The following LTBP1 variants were observed in gnomAD, a reference collection of about 807,000 sequenced individuals.
LTBP1 encodes the protein latent-transforming growth factor beta-binding protein 1.
In LTBP1, 129 loss-of-function variants were observed where a neutral mutation model predicts 207.6. The observed-to-expected ratio is 0.62, with a 90% CI of 0.54 to 0.72. The LOEUF is 0.72. Ranked by LOEUF, LTBP1 falls within the 30% of genes least tolerant of loss-of-function variation. The pLI is 0.00. For synonymous variants in LTBP1, 963 were observed against 833.7 expected, an observed-to-expected ratio of 1.16 and a Z score of -2.67; for missense variants, 2,281 against 2,217.2, an observed-to-expected ratio of 1.03 and a Z score of -0.58.
intron 9 of LTBP1, among the ~76,000 whole-genome samples, chr2:33,226,081 C>T (rs548035913): frequency 1.3e-5 from 2 of 152,242 alleles, no homozygotes; most frequent in African/African-American, 4.8e-5. Flanking sequence ...GTTATTGACC[C>T]ATGGATTATT....
chr2:33,382,518 C>T (rs975672005), intron 31 of LTBP1, among the ~76,000 whole-genome samples: 1 of 152,108 alleles, frequency 6.6e-6, no homozygotes, highest in African/African-American at 2.4e-5. Flanking sequence ...AAGCCTTTCC[C>T]AGCTCTTCCA....
intron 2 of LTBP1, among the ~76,000 whole-genome samples, chr2:32,952,889 G>A (rs911208458): frequency 1.3e-5 from 2 of 152,148 alleles, no homozygotes; most frequent in Middle Eastern, 3.2e-3. Flanking sequence ...ATCCAAAGCG[G>A]GTGCCTGGCA....
chr2:32,977,462 AGCAATCTTATTGCTTCCAG>A (rs1482654924), intron 2 of LTBP1, among the ~76,000 whole-genome samples: 1 of 152,146 alleles, frequency 6.6e-6, no homozygotes, highest in African/African-American at 2.4e-5. Flanking sequence ...GGGCGGCTGG[AGCAATCTTATTGCTTCCAG>A]GCACCCTGAC....
intron 2 of LTBP1, among the ~76,000 whole-genome samples, chr2:32,958,944 C>G (rs1678541096): frequency 6.6e-6 from 1 of 152,204 alleles, no homozygotes; most frequent in Non-Finnish European, 1.5e-5. Context: ...ACATCATCAT[C>G]TGATAGAGAT....
At chr2:33,078,770 C>G (rs1352148447) in intron 3 of LTBP1, among the ~76,000 whole-genome samples, 1 of 151,838 alleles carries the variant, frequency 6.6e-6, no homozygotes. Flanking sequence ...ATAGTCAGCT[C>G]AATAAGGTGA....
At chr2:33,266,231 T>C (rs1573514347) in intron 15 of LTBP1, among the ~76,000 whole-genome samples, 1 of 152,322 alleles carries the variant, frequency 6.6e-6, no homozygotes, top group East Asian at 1.9e-4. Context: ...TGGGTGAGTG[T>C]TGACATGCCA....
chr2:33,092,171 G>C (rs1405726687), intron 3 of LTBP1, among the ~76,000 whole-genome samples: 2 of 151,240 alleles, frequency 1.3e-5, no homozygotes, highest in African/African-American at 4.8e-5. Context: ...GTGCGTGCAC[G>C]TGCGCATGCA....
intron 5 of LTBP1, among the ~76,000 whole-genome samples, chr2:33,184,907 C>T (rs1355814273): frequency 6.6e-6 from 1 of 151,706 alleles, no homozygotes; most frequent in South Asian, 2.1e-4. Context: ...AGTAGTCAGT[C>T]AGTTGTAATG....
At chr2:33,236,974 C>G (rs1306869958) in intron 9 of LTBP1, among the ~76,000 whole-genome samples, 1 of 152,098 alleles carries the variant, frequency 6.6e-6, no homozygotes, top group South Asian at 2.1e-4. Context: ...TTCAGTGAGT[C>G]CAGTGATTGA....
chr2:33,350,630 C>T (rs1466572393), intron 26 of LTBP1, among the ~76,000 whole-genome samples: 1 of 152,148 alleles, frequency 6.6e-6, no homozygotes, highest in Non-Finnish European at 1.5e-5. Flanking sequence ...TTTTTTACTG[C>T]CTGGGCCTTT....
rs2094645149 is a variant in LTBP1, at chr2:33,342,820, TC to T, written c.3731-16del. On this transcript the variant is annotated splice_polypyrimidine_tract_variant and intron_variant, in intron 24 of 33. Transcript: ENST00000404816. ...CCTGTGTTTGTTTTGTGTCTGATGT[TC>T]CATGTCTTTTTTGCAGATATTGATG... The T allele has an allele frequency of 6.2e-7, 1 of 1,612,256 alleles. No homozygotes were observed. Among genetic ancestry groups the T allele is most frequent in the African/African-American group, 1.3e-5 (1 of 74,912 alleles).
chr2:33,203,820 T>C (rs2089589562), intron 7 of LTBP1, among the ~76,000 whole-genome samples: 1 of 152,256 alleles, frequency 6.6e-6, no homozygotes, highest in Non-Finnish European at 1.5e-5. Context: ...GAGCTACTTC[T>C]GATATTGGCA....
At chr2:33,379,694 G>T (rs897834401) in intron 31 of LTBP1, among the ~76,000 whole-genome samples, 17 of 152,166 alleles carry the variant, frequency 1.1e-4, no homozygotes, top group African/African-American at 4.1e-4. Flanking sequence ...ACAGAATCAG[G>T]ATTTCAAGAT....
At chr2:33,098,453 A>C (rs939030847) in intron 3 of LTBP1, among the ~76,000 whole-genome samples, 4 of 152,170 alleles carry the variant, frequency 2.6e-5, no homozygotes, top group African/African-American at 9.6e-5. Flanking sequence ...TTTTTTTCTG[A>C]GACAGAGTCT....
At chr2:33,123,390 CTT>C (rs113840029) in intron 4 of LTBP1, among the ~76,000 whole-genome samples, 2 of 145,534 alleles carry the variant, frequency 1.4e-5, no homozygotes. Flanking sequence ...GTTCATTCAT[CTT>C]TTTTTTTTTT....
intron 4 of LTBP1, among the ~76,000 whole-genome samples, chr2:33,117,414 T>C (rs2080810251): frequency 6.6e-6 from 1 of 152,112 alleles, no homozygotes. Context: ...GAAGTTCACA[T>C]GTCTGGAGCG....
At chr2:33,031,016 A>G (rs907132904) in intron 3 of LTBP1, among the ~76,000 whole-genome samples, 3 of 152,150 alleles carry the variant, frequency 2.0e-5, no homozygotes, top group African/African-American at 2.4e-5. Context: ...CTCTTTTCAT[A>G]TTAAAGATTG....
At chr2:33,021,873 A>G (rs2075190121) in intron 3 of LTBP1, among the ~76,000 whole-genome samples, 1 of 152,156 alleles carries the variant, frequency 6.6e-6, no homozygotes, top group African/African-American at 2.4e-5. Context: ...CCGTTCTCTG[A>G]GTTGCATTAC....
chr2:33,009,803 A>G (rs1211234349), intron 2 of LTBP1, among the ~76,000 whole-genome samples: 6 of 152,164 alleles, frequency 3.9e-5, no homozygotes, highest in Non-Finnish European at 2.9e-5. Flanking sequence ...AGCAGGTCTT[A>G]GAGTTTGGGG....
Sources: gnomAD v4.1 joint callset for allele counts (sites outside exome capture counted in the v4.1 genomes callset) on GRCh38, gnomAD v4.1.1 for gene constraint, MANE v1.5 for transcripts, NCBI Gene and HGNC (gene_info 2026-07-23, HGNC 2026-07-21) for gene names.